CCSER1: variants seen among roughly 807,000 people sequenced by gnomAD.
CCSER1 encodes serine-rich coiled-coil domain-containing protein 1.
CCSER1 carries 41 observed loss-of-function variants against 82.0 expected under a neutral mutation model. The ratio of observed to expected loss-of-function variants is 0.50; its 90% CI spans 0.39 to 0.65. The LOEUF (loss-of-function observed/expected upper bound fraction) is 0.65. Among genes scored for constraint, CCSER1 ranks in the 30% least tolerant of loss-of-function variants. The pLI, the probability that CCSER1 is intolerant of heterozygous loss-of-function variation, is 0.00. For missense variants in CCSER1, 1,119 were observed against 1,064.2 expected (o/e 1.05, Z -0.72); for synonymous variants, 414 against 383.9 (o/e 1.08, Z -0.92).
chr4:91,110,551 G>A (rs932908434), intron 10 of CCSER1, among the ~76,000 whole-genome samples: 1 of 151,924 alleles, frequency 6.6e-6, no homozygotes, highest in Non-Finnish European at 1.5e-5. Flanking sequence ...AACTTCTCAG[G>A]AATTACTAGT....
chr4:90,232,104 C>A (rs2153428549), intron 1 of CCSER1, among the ~76,000 whole-genome samples: 1 of 152,298 alleles, frequency 6.6e-6, no homozygotes, highest in Non-Finnish European at 1.5e-5. Context: ...ACTTTCTTCA[C>A]AGAATTGGAA....
intron 1 of CCSER1, among the ~76,000 whole-genome samples, chr4:90,143,891 T>G (rs1241958674): frequency 6.6e-6 from 1 of 151,648 alleles, no homozygotes; most frequent in Non-Finnish European, 1.5e-5. Context: ...GGTCTCCTTA[T>G]GTTACTTAGG....
intron 1 of CCSER1, among the ~76,000 whole-genome samples, chr4:90,295,726 C>A (rs1731758506): frequency 6.6e-6 from 1 of 151,916 alleles, no homozygotes; most frequent in Admixed American, 6.6e-5. Context: ...AAGACCAGCC[C>A]CTGTCTTAAT....
At chr4:90,551,706 C>CTCTCTCTCTATATATATATATATATATA in intron 5 of CCSER1, among the ~76,000 whole-genome samples, 14 of 104,218 alleles carry the variant, frequency 1.3e-4, no homozygotes, top group African/African-American at 6.4e-4. Context: ...CTCTCTCTCT[C>CTCTCTCTCTATATATATATATATATATA]TATATATATA....
chr4:91,490,642 T>C (rs1758467737), intron 10 of CCSER1, among the ~76,000 whole-genome samples: 1 of 150,996 alleles, frequency 6.6e-6, no homozygotes, highest in African/African-American at 2.4e-5. Context: ...TACAAAAATA[T>C]AGTTAGGTAG....
chr4:91,004,650 G>C (rs1452708470), intron 9 of CCSER1, among the ~76,000 whole-genome samples: 1 of 152,110 alleles, frequency 6.6e-6, no homozygotes, highest in Non-Finnish European at 1.5e-5. Context: ...AAGGCCCACA[G>C]GTATCAGACA....
intron 7 of CCSER1, among the ~76,000 whole-genome samples, chr4:90,809,572 A>G (rs925910699): frequency 6.6e-6 from 1 of 151,968 alleles, no homozygotes; most frequent in African/African-American, 2.4e-5. Context: ...AAAATTACCT[A>G]TTGGGTACAA....
At chr4:91,575,527 C>A (rs1288372995) in intron 10 of CCSER1, among the ~76,000 whole-genome samples, 1 of 151,866 alleles carries the variant, frequency 6.6e-6, no homozygotes, top group African/African-American at 2.4e-5. Context: ...AGCAAGAAAA[C>A]AAATAATCTG....
chr4:90,279,113 C>T (rs1728444161), intron 1 of CCSER1, among the ~76,000 whole-genome samples: 1 of 152,024 alleles, frequency 6.6e-6, no homozygotes, highest in Non-Finnish European at 1.5e-5. Flanking sequence ...ATTTTCAGTA[C>T]TTCACTCTAC....
intron 8 of CCSER1, among the ~76,000 whole-genome samples, chr4:90,855,392 C>G (rs1434196123): frequency 3.3e-5 from 5 of 152,002 alleles, no homozygotes; most frequent in Non-Finnish European, 7.4e-5. Context: ...ATAAGTCTAG[C>G]TTTGGAAACT....
At chr4:90,518,067 T>A (rs1009401303) in intron 5 of CCSER1, among the ~76,000 whole-genome samples, 14 of 152,170 alleles carry the variant, frequency 9.2e-5, no homozygotes, top group African/African-American at 3.1e-4. Context: ...ATTACTTCTG[T>A]GATGTATAAA....
At chr4:91,184,958 G>A (rs967677679) in intron 10 of CCSER1, among the ~76,000 whole-genome samples, 7 of 152,072 alleles carry the variant, frequency 4.6e-5, no homozygotes, top group African/African-American at 1.4e-4. Context: ...GTTGTCCATC[G>A]GGCCCTTCAC....
chr4:90,231,301 G>A (rs1040638473), intron 1 of CCSER1, among the ~76,000 whole-genome samples: 12 of 152,234 alleles, frequency 7.9e-5, no homozygotes, highest in African/African-American at 1.7e-4. Context: ...TCCCTGGGAT[G>A]CAAGGATGGT....
intron 8 of CCSER1, among the ~76,000 whole-genome samples, chr4:90,850,291 A>C (rs895314025): frequency 6.6e-6 from 1 of 152,084 alleles, no homozygotes; most frequent in Non-Finnish European, 1.5e-5. Flanking sequence ...CCCAGTGGGG[A>C]CTCTATATGG....
intron 6 of CCSER1, among the ~76,000 whole-genome samples, chr4:90,722,774 C>CT (rs1026884828): frequency 6.6e-6 from 1 of 151,822 alleles, no homozygotes; most frequent in African/African-American, 2.4e-5. Flanking sequence ...GGTTTCTGGA[C>CT]TAGGGAGTCA....
intron 10 of CCSER1, among the ~76,000 whole-genome samples, chr4:91,134,921 G>A (rs1248013329): frequency 2.6e-5 from 4 of 152,028 alleles, no homozygotes; most frequent in African/African-American, 9.7e-5. Context: ...TTAGCTGGAT[G>A]TGGTGGCGCA....
chr4:90,163,877 TA>T (rs1244163922), intron 1 of CCSER1, among the ~76,000 whole-genome samples: 2 of 152,154 alleles, frequency 1.3e-5, no homozygotes, highest in Non-Finnish European at 2.9e-5. Context: ...GTGTATTCAC[TA>T]AAAATACCTT....
At chr4:91,374,887 T>C (rs1750295248) in intron 10 of CCSER1, among the ~76,000 whole-genome samples, 1 of 152,118 alleles carries the variant, frequency 6.6e-6, no homozygotes, top group Non-Finnish European at 1.5e-5. Context: ...TACCAGCTAC[T>C]TAGGAGGCTG....
intron 7 of CCSER1, among the ~76,000 whole-genome samples, chr4:90,793,456 T>G (rs1343958952): frequency 6.6e-6 from 1 of 152,196 alleles, no homozygotes; most frequent in Non-Finnish European, 1.5e-5. Flanking sequence ...TTTCCTTTTT[T>G]GTTGAGGATA....
Sources: gnomAD v4.1 joint callset for allele counts (sites outside exome capture counted in the v4.1 genomes callset) on GRCh38, gnomAD v4.1.1 for gene constraint, MANE v1.5 for transcripts, NCBI Gene and HGNC (gene_info 2026-07-23, HGNC 2026-07-21) for gene names.